Variants in NAALADL2 observed in about 807,000 individuals in gnomAD.
NAALADL2 encodes inactive N-acetylated-alpha-linked acidic dipeptidase-like protein 2.
A neutral mutation model predicts 87.2 loss-of-function variants in NAALADL2; 76 were observed. The observed-to-expected ratio is 0.87, with a 90% confidence interval of 0.72 to 1.05. The LOEUF (loss-of-function observed/expected upper bound fraction) is 1.05, where lower values mean the gene tolerates loss of function less well. Ranked by LOEUF, NAALADL2 falls within the 50% of genes least tolerant of loss-of-function variation. The pLI is 0.00. For synonymous variants in NAALADL2, 354 were observed against 331.0 expected (o/e 1.07, Z -0.75); for missense variants, 1,089 against 945.8 (o/e 1.15, Z -1.99).
At chr3:174,786,334 C>T (rs769847448) in intron 3 of NAALADL2, among the ~76,000 whole-genome samples, 2 of 151,338 alleles carry the variant, frequency 1.3e-5, no homozygotes, top group African/African-American at 2.4e-5. Context: ...GCTTGTAGTC[C>T]CCGATACTCG....
intron 2 of NAALADL2, among the ~76,000 whole-genome samples, chr3:175,181,359 A>C (rs1736436937): frequency 6.6e-6 from 1 of 151,944 alleles, no homozygotes; most frequent in African/African-American, 2.4e-5. Context: ...ACATGTAGAC[A>C]GTGTATAGTG....
At chr3:175,528,804 A>C (rs1733744744) in intron 9 of NAALADL2, among the ~76,000 whole-genome samples, 1 of 152,220 alleles carries the variant, frequency 6.6e-6, no homozygotes, top group African/African-American at 2.4e-5. Context: ...AAAGGAAATA[A>C]AATGAAGATA....
At chr3:174,519,611 G>A (rs1720147423) in intron 1 of NAALADL2, among the ~76,000 whole-genome samples, 1 of 151,842 alleles carries the variant, frequency 6.6e-6, no homozygotes, top group African/African-American at 2.4e-5. Flanking sequence ...GATTACAGAT[G>A]TGAGCCACTA....
chr3:174,996,996 GTGTGTGTGTGTGT>G (rs1747564735), intron 1 of NAALADL2, among the ~76,000 whole-genome samples: 27 of 11,730 alleles, frequency 2.3e-3, no homozygotes, highest in African/African-American at 3.9e-3. Context: ...TCCAAGGGGT[GTGTGTGTGTGTGT>G]GTGTGTGTGT....
chr3:175,735,200 TCCAGTTC>T (rs1744339017), intron 11 of NAALADL2, among the ~76,000 whole-genome samples: 2 of 152,206 alleles, frequency 1.3e-5, no homozygotes, highest in East Asian at 3.9e-4. Context: ...TCACCTTTGC[TCCAGTTC>T]CCAACAAGTT....
intron 3 of NAALADL2, among the ~76,000 whole-genome samples, chr3:174,768,097 A>G (rs889222511): frequency 2.0e-5 from 3 of 152,204 alleles, no homozygotes; most frequent in African/African-American, 7.2e-5. Context: ...AGGTGGGGAA[A>G]AGAGGTTTTG....
chr3:175,735,114 C>A (rs776038780), intron 11 of NAALADL2, among the ~76,000 whole-genome samples: 9 of 152,204 alleles, frequency 5.9e-5, no homozygotes, highest in Non-Finnish European at 1.2e-4. Context: ...TAAATCATCT[C>A]TCTCAAGTTC....
chr3:174,709,881 T>C (rs1730454585), intron 2 of NAALADL2, among the ~76,000 whole-genome samples: 1 of 152,214 alleles, frequency 6.6e-6, no homozygotes, highest in Non-Finnish European at 1.5e-5. Context: ...TGTTCCTTTT[T>C]GTAATGAATC....
chr3:174,983,134 G>A (rs1043479670), intron 1 of NAALADL2, among the ~76,000 whole-genome samples: 10 of 151,968 alleles, frequency 6.6e-5, no homozygotes, highest in Admixed American at 3.9e-4. Flanking sequence ...CCAAGAGGAG[G>A]CCCACCATCC....
intron 3 of NAALADL2, among the ~76,000 whole-genome samples, chr3:174,807,890 A>T (rs11926509): frequency 0.14 from 19,418 of 141,348 alleles, 1,433 homozygotes; most frequent in Middle Eastern, 0.18. Context: ...TGTGTGTGTG[A>T]GAGAGAGAGA....
At position 174,799,693 on chromosome 3, in the gene NAALADL2, G is replaced by A. The variant is rs181032305; in HGVS notation, c.-9+61947G>A. On this transcript the variant is annotated intron_variant, in intron 3 of 3. Transcript: ENST00000434257. The stretch of plus-strand genomic sequence containing the variant: ...TGCCGCAGAAAAGATACCCAAAAAT[G>A]TGGAAGTGACTTTCAAACTGGGTAA... Among the ~76,000 whole-genome samples the A allele has an allele frequency of 2.8e-3, 432 of 152,254 alleles. 1 individual carries two copies. The highest frequency in any genetic ancestry group is 9.9e-3 in the African/African-American group (411 of 41,558).
chr3:174,549,898 T>C (rs1711917021), intron 1 of NAALADL2, among the ~76,000 whole-genome samples: 1 of 152,042 alleles, frequency 6.6e-6, no homozygotes, highest in Admixed American at 6.6e-5. Flanking sequence ...TTTTTTGTTT[T>C]TTTTTTCCAA....
chr3:175,656,357 G>T (rs1312082666), intron 11 of NAALADL2, among the ~76,000 whole-genome samples: 2 of 152,080 alleles, frequency 1.3e-5, no homozygotes. Flanking sequence ...TGAAATGAGA[G>T]AACTTTTCTT....
intron 11 of NAALADL2, among the ~76,000 whole-genome samples, chr3:175,668,780 C>T (rs761221315): frequency 1.6e-4 from 25 of 151,802 alleles, no homozygotes; most frequent in African/African-American, 2.4e-4. Flanking sequence ...GTTTTCCGTG[C>T]GATATAATGA....
intron 1 of NAALADL2, among the ~76,000 whole-genome samples, chr3:174,975,645 G>T (rs1300098476): frequency 2.2e-4 from 34 of 152,086 alleles, no homozygotes; most frequent in African/African-American, 8.0e-4. Context: ...AAATGGTGAT[G>T]GGCTAGTTGC....
chr3:174,812,872 C>A, intron 3 of NAALADL2, among the ~76,000 whole-genome samples: 1 of 151,738 alleles, frequency 6.6e-6, no homozygotes, highest in Admixed American at 6.6e-5. Context: ...TTTCATACAG[C>A]TCTACAATAT....
chr3:175,048,656 C>T (rs951682080), intron 1 of NAALADL2, among the ~76,000 whole-genome samples: 12 of 151,908 alleles, frequency 7.9e-5, no homozygotes, highest in Non-Finnish European at 1.2e-4. Flanking sequence ...ATTTTATGAT[C>T]GGAATTGAGT....
At chr3:174,776,035 T>A (rs1715176298) in intron 3 of NAALADL2, among the ~76,000 whole-genome samples, 4 of 152,170 alleles carry the variant, frequency 2.6e-5, no homozygotes. Flanking sequence ...CAGCAGTTTT[T>A]TGAAGCAGAA....
chr3:174,849,049 A>G (rs1373633976), intron 3 of NAALADL2, among the ~76,000 whole-genome samples: 1 of 152,188 alleles, frequency 6.6e-6, no homozygotes, highest in Non-Finnish European at 1.5e-5. Context: ...ATAAAAGATT[A>G]GAAATGGTAC....
Sources: allele counts gnomAD v4.1 joint callset (sites outside exome capture counted in the v4.1 genomes callset), GRCh38; gene constraint gnomAD v4.1.1; transcripts MANE v1.5; gene names NCBI Gene and HGNC (gene_info 2026-07-23, HGNC 2026-07-21).